The following ZNF846 variants were observed in gnomAD, a reference collection of about 807,000 sequenced individuals.
ZNF846 encodes zinc finger protein 420 pseudogene.
ZNF846 carries 15 observed loss-of-function variants against 16.0 expected under a neutral mutation model. That is an observed-to-expected ratio of 0.94 (90% confidence interval 0.63 to 1.45). ZNF846 has a LOEUF of 1.45. Among genes scored for constraint, ZNF846 ranks in the 40% most tolerant of loss-of-function variants. The pLI is 0.00. For synonymous variants in ZNF846, 229 were observed against 212.0 expected (o/e 1.08, Z -0.70); for missense variants, 714 against 622.3 (o/e 1.15, Z -1.57).
At chr19:9,750,735 CA>C (rs1287514266), downstream of ZNF846, among the ~76,000 whole-genome samples, 1 of 152,214 alleles carries the variant, frequency 6.6e-6, no homozygotes. Context: ...ACTGGAATAG[CA>C]GCTATCTCAA....
chr19:9,780,874 C>A (rs928202704), intron 1 of ZNF846, among the ~76,000 whole-genome samples: 1 of 152,204 alleles, frequency 6.6e-6, no homozygotes, highest in African/African-American at 2.4e-5. Context: ...AGTGGCTGCA[C>A]ATTAGATTCA....
chr19:9,756,347 A>ATG (rs2035317965), downstream of ZNF846: 7 of 17,492 alleles, frequency 4.0e-4, 1 homozygote, highest in South Asian at 6.4e-3. Context: ...GTGTGTGTGT[A>ATG]TATATATATA....
chr19:9,778,180 G>A (rs1419602505), intron 1 of ZNF846, among the ~76,000 whole-genome samples: 4 of 152,024 alleles, frequency 2.6e-5, no homozygotes, highest in African/African-American at 7.2e-5. Flanking sequence ...GGAAGACATG[G>A]AAAAACTCAA....
At chr19:9,769,540 C>T (rs1427796956), upstream of ZNF846, among the ~76,000 whole-genome samples, 1 of 151,396 alleles carries the variant, frequency 6.6e-6, no homozygotes, top group African/African-American at 2.4e-5. Context: ...AAATTCTTTT[C>T]TGCAGGATTT....
intron 1 of ZNF846, among the ~76,000 whole-genome samples, chr19:9,766,384 A>AG (rs1460558633): frequency 4.7e-5 from 7 of 147,766 alleles, no homozygotes; most frequent in Non-Finnish European, 1.0e-4. Flanking sequence ...ACTGCACTCC[A>AG]GCCTGGTGAC....
chr19:9,758,943 C>A (rs986624302), intron 5 of ZNF846, among the ~76,000 whole-genome samples, 179 bp from the exon 6 acceptor site: 14 of 151,800 alleles, frequency 9.2e-5, no homozygotes, highest in Admixed American at 2.6e-4. Context: ...AATGAGGCCA[C>A]CAGCCTGCCT....
At chr19:9,752,414 C>G in exon 6 of ZNF846, 1 of 403,442 alleles carries the variant, frequency 2.5e-6, no homozygotes, top group African/African-American at 2.1e-5. Context: ...TTGACACCAG[C>G]CTGGACAACA....
At chr19:9,749,094 G>A (rs1236312186), downstream of ZNF846, among the ~76,000 whole-genome samples, 2 of 152,136 alleles carry the variant, frequency 1.3e-5, no homozygotes, top group Admixed American at 1.3e-4. Flanking sequence ...ATAAAGCTGT[G>A]TCTGTCAGCC....
At chr19:9,777,052 G>C (rs1250161105) in intron 1 of ZNF846, among the ~76,000 whole-genome samples, 1 of 151,304 alleles carries the variant, frequency 6.6e-6, no homozygotes, top group Non-Finnish European at 1.5e-5. Flanking sequence ...AGGCCCTAAA[G>C]GACTAAAAAA....
intron 1 of ZNF846, among the ~76,000 whole-genome samples, chr19:9,784,887 T>G (rs2045542304): frequency 6.6e-6 from 1 of 152,170 alleles, no homozygotes. Context: ...CAGCACATGT[T>G]TTTGCAAGCA....
intron 1 of ZNF846, among the ~76,000 whole-genome samples, chr19:9,784,722 G>T (rs1307710205): frequency 6.6e-6 from 1 of 152,108 alleles, no homozygotes; most frequent in East Asian, 1.9e-4. Flanking sequence ...GGCTTTCTTG[G>T]GCAGAGGTGC....
chr19:9,767,596 A>C (rs1372137807), intron 1 of ZNF846, among the ~76,000 whole-genome samples: 1 of 152,220 alleles, frequency 6.6e-6, no homozygotes, highest in Non-Finnish European at 1.5e-5. Context: ...AGCCTGGGCA[A>C]CAAACCAAGA....
chr19:9,759,549 G>A (rs2045188920), intron 5 of ZNF846, among the ~76,000 whole-genome samples: 1 of 151,748 alleles, frequency 6.6e-6, no homozygotes, highest in Non-Finnish European at 1.5e-5. Flanking sequence ...GTTGCAGTGA[G>A]CCAAGACTGC....
chr19:9,783,912 A>G (rs1289292195), intron 1 of ZNF846, among the ~76,000 whole-genome samples: 1 of 152,050 alleles, frequency 6.6e-6, no homozygotes, highest in Non-Finnish European at 1.5e-5. Flanking sequence ...CATATTGTCC[A>G]GACTGGTCTT....
downstream of ZNF846, chr19:9,756,263 GAATT>G (rs1348556468): frequency 2.0e-5 from 3 of 147,108 alleles, 1 homozygote; most frequent in African/African-American, 5.1e-5. Flanking sequence ...TCTCCAGTAT[GAATT>G]ATCATTTATA....
At chr19:9,763,453 T>C (rs2045264421) in intron 2 of ZNF846, 45 bp from the exon 3 acceptor site, 1 of 1,536,314 alleles carries the variant, frequency 6.5e-7, no homozygotes, top group East Asian at 2.3e-5. Flanking sequence ...TACCATCTCC[T>C]TTGATGTTCT....
chr19:9,755,705 CAGG>C (rs971094475), downstream of ZNF846: 11 of 124,078 alleles, frequency 8.9e-5, no homozygotes, highest in African/African-American at 3.1e-4. Context: ...GAGGCTGAGG[CAGG>C]AGAATGGCGT....
At chr19:9,774,955 G>C in intron 1 of ZNF846, 1 of 1,608,842 alleles carries the variant, frequency 6.2e-7, no homozygotes, top group Middle Eastern at 2.3e-4. Context: ...GTGACCTGTG[G>C]ACTAAAATCT....
downstream of ZNF846, among the ~76,000 whole-genome samples, chr19:9,754,563 TTAAA>T (rs1185151744): frequency 7.2e-5 from 6 of 83,772 alleles, no homozygotes; most frequent in African/African-American, 4.2e-4. Context: ...AGACTCTGTC[TTAAA>T]AAAAAAAAAA....
Sources: allele counts gnomAD v4.1 joint callset (sites outside exome capture counted in the v4.1 genomes callset), GRCh38; gene constraint gnomAD v4.1.1; transcripts MANE v1.5; gene names NCBI Gene and HGNC (gene_info 2026-07-23, HGNC 2026-07-21).